The following CRACDL variants were observed in gnomAD, a reference collection of about 807,000 sequenced individuals.
The protein encoded by CRACDL is CRACD-like protein.
In CRACDL, 26 loss-of-function variants were observed where a neutral mutation model predicts 70.6. That is an observed-to-expected ratio of 0.37 (90% CI 0.27 to 0.51). The LOEUF (loss-of-function observed/expected upper bound fraction) is 0.51. Among genes scored for constraint, CRACDL ranks in the 20% least tolerant of loss-of-function variants. The pLI is 0.94. For synonymous variants in CRACDL, 618 were observed against 615.2 expected (o/e 1.00, Z -0.07); for missense variants, 1,283 against 1,376.9 (o/e 0.93, Z 1.08).
At chr2:98,807,444 C>T (rs574087091) in intron 7 of CRACDL, among the ~76,000 whole-genome samples, 2 of 152,154 alleles carry the variant, frequency 1.3e-5, no homozygotes, top group African/African-American at 2.4e-5. Flanking sequence ...TGCTGGTATA[C>T]CTCCCTTCCC....
chr2:98,906,571 G>A (rs1476878293), intron 1 of CRACDL, among the ~76,000 whole-genome samples: 2 of 152,048 alleles, frequency 1.3e-5, no homozygotes, highest in African/African-American at 4.8e-5. Context: ...CATCCAACCA[G>A]TGAATTCCTC....
chr2:98,854,784 T>C (rs139489087), intron 1 of CRACDL, among the ~76,000 whole-genome samples: 155 of 152,230 alleles, frequency 1.0e-3, no homozygotes, highest in African/African-American at 3.6e-3. Context: ...AACTCTCTAG[T>C]ACTATTAAAA....
intron 2 of CRACDL, among the ~76,000 whole-genome samples, chr2:98,839,854 T>C (rs894465067): frequency 8.5e-5 from 13 of 152,204 alleles, no homozygotes; most frequent in Admixed American, 3.9e-4. Context: ...TCTATAGTGA[T>C]TGATGCCTCT....
At chr2:98,902,929 C>A (rs564265597) in intron 1 of CRACDL, among the ~76,000 whole-genome samples, 1 of 152,276 alleles carries the variant, frequency 6.6e-6, no homozygotes, top group South Asian at 2.1e-4. Flanking sequence ...CTAGAGCCTA[C>A]GACCAGCTTT....
intron 1 of CRACDL, among the ~76,000 whole-genome samples, chr2:98,933,622 A>T (rs1709137750): frequency 6.6e-6 from 1 of 152,144 alleles, no homozygotes; most frequent in Non-Finnish European, 1.5e-5. Context: ...ATTTATGTGC[A>T]CAACAAGCAA....
intron 1 of CRACDL, among the ~76,000 whole-genome samples, chr2:98,849,131 T>G (rs2104542481): frequency 6.6e-6 from 1 of 152,270 alleles, no homozygotes; most frequent in South Asian, 2.1e-4. Flanking sequence ...GGACAGGATC[T>G]CCCACTGAAA....
At chr2:98,795,898 C>T (rs1430864615) in intron 9 of CRACDL, among the ~76,000 whole-genome samples, 1 of 152,182 alleles carries the variant, frequency 6.6e-6, no homozygotes, top group Non-Finnish European at 1.5e-5. Context: ...TAGACCTGTG[C>T]AGTTCAAACC....
intron 1 of CRACDL, among the ~76,000 whole-genome samples, chr2:98,926,768 A>G (rs1199722245): frequency 6.6e-6 from 1 of 152,198 alleles, no homozygotes; most frequent in Non-Finnish European, 1.5e-5. Flanking sequence ...CTCATGAAAA[A>G]ACATTGGCTA....
intron 2 of CRACDL, among the ~76,000 whole-genome samples, chr2:98,841,891 T>G (rs1706042588): frequency 2.6e-5 from 4 of 152,184 alleles, no homozygotes; most frequent in Admixed American, 2.6e-4. Flanking sequence ...TTTCCCTGTT[T>G]TGTGGCTTCT....
At chr2:98,921,831 T>A (rs1466730511) in intron 1 of CRACDL, among the ~76,000 whole-genome samples, 1 of 152,078 alleles carries the variant, frequency 6.6e-6, no homozygotes, top group African/African-American at 2.4e-5. Context: ...GCCCCTCCTG[T>A]AAGGAGTCAT....
intron 7 of CRACDL, among the ~76,000 whole-genome samples, chr2:98,810,467 T>C (rs1442996508): frequency 6.6e-6 from 1 of 151,896 alleles, no homozygotes; most frequent in African/African-American, 2.4e-5. Context: ...AGAAGAGAGT[T>C]GGAGGGAGGA....
At chr2:98,926,223 T>C (rs1485334004) in intron 1 of CRACDL, among the ~76,000 whole-genome samples, 1 of 152,196 alleles carries the variant, frequency 6.6e-6, no homozygotes. Context: ...ACTCATTTGG[T>C]ACATGTGAAA....
At chr2:98,818,147 T>A (rs1704866902) in intron 7 of CRACDL, among the ~76,000 whole-genome samples, 2 of 152,220 alleles carry the variant, frequency 1.3e-5, no homozygotes. Context: ...TGAACAAGGC[T>A]GATAACCCTG....
intron 1 of CRACDL, among the ~76,000 whole-genome samples, chr2:98,899,560 G>T (rs1456106081): frequency 6.6e-6 from 1 of 152,252 alleles, no homozygotes. Flanking sequence ...CAGGCAAGGG[G>T]AGTGCCCTAG....
chr2:98,902,647 C>T (rs1295823824), intron 1 of CRACDL, among the ~76,000 whole-genome samples: 1 of 152,062 alleles, frequency 6.6e-6, no homozygotes, highest in African/African-American at 2.4e-5. Flanking sequence ...CCTGACCATC[C>T]CTGGAGCTGG....
At chr2:98,872,533 C>T (rs986053761) in intron 1 of CRACDL, among the ~76,000 whole-genome samples, 2 of 152,164 alleles carry the variant, frequency 1.3e-5, no homozygotes, top group African/African-American at 4.8e-5. Context: ...GAAGCCCAAA[C>T]CTCGCCATTA....
At chr2:98,855,150 C>T (rs983165227) in intron 1 of CRACDL, among the ~76,000 whole-genome samples, 1 of 152,022 alleles carries the variant, frequency 6.6e-6, no homozygotes, top group African/African-American at 2.4e-5. Context: ...CATGGTGGCG[C>T]ATTCCTGTAA....
At chr2:98,844,927 G>T (rs1002342137) in intron 2 of CRACDL, among the ~76,000 whole-genome samples, 3 of 152,180 alleles carry the variant, frequency 2.0e-5, no homozygotes, top group African/African-American at 7.2e-5. Context: ...GCAAACTCAA[G>T]CTACAAATCT....
chr2:98,888,549 G>C (rs980960532), intron 1 of CRACDL, among the ~76,000 whole-genome samples: 1 of 152,102 alleles, frequency 6.6e-6, no homozygotes, highest in Non-Finnish European at 1.5e-5. Context: ...GAATTAAAAT[G>C]GTACACTAGA....
Sources: allele counts gnomAD v4.1 joint callset (sites outside exome capture counted in the v4.1 genomes callset), GRCh38; gene constraint gnomAD v4.1.1; transcripts MANE v1.5; gene names NCBI Gene and HGNC (gene_info 2026-07-23, HGNC 2026-07-21).